The following CSMD1 variants were observed in gnomAD, a reference collection of about 807,000 sequenced individuals.
The protein encoded by CSMD1 is CUB and sushi domain-containing protein 1.
In CSMD1, 213 loss-of-function variants were observed where a neutral mutation model predicts 417.5. The ratio of observed to expected loss-of-function variants is 0.51; its 90% CI spans 0.46 to 0.57. The LOEUF is 0.57. Among genes scored for constraint, CSMD1 ranks in the 20% least tolerant of loss-of-function variants. CSMD1 has a pLI of 0.00. For missense variants in CSMD1, 6,923 were observed against 4,529.7 expected (o/e 1.53, Z -15.17); for synonymous variants, 2,862 against 1,736.8 (o/e 1.65, Z -16.11).
At chr8:3,547,568 G>C (rs942618476) in intron 10 of CSMD1, among the ~76,000 whole-genome samples, 1 of 152,040 alleles carries the variant, frequency 6.6e-6, no homozygotes, top group Admixed American at 6.6e-5. Context: ...TTGAGTTTTA[G>C]GCTTTATTTT....
At chr8:4,113,775 C>T (rs940140420) in intron 3 of CSMD1, among the ~76,000 whole-genome samples, 8 of 152,158 alleles carry the variant, frequency 5.3e-5, no homozygotes, top group East Asian at 1.9e-4. Context: ...AGAAAGTTTT[C>T]AAGTTATCTG....
chr8:3,385,138 A>G (rs893057279), intron 18 of CSMD1, among the ~76,000 whole-genome samples: 71 of 134,416 alleles, frequency 5.3e-4, no homozygotes, highest in African/African-American at 1.9e-3. Flanking sequence ...AATATATAAT[A>G]CATAATATAT....
chr8:3,973,390 T>G (rs1813212853), intron 5 of CSMD1, among the ~76,000 whole-genome samples: 1 of 152,254 alleles, frequency 6.6e-6, no homozygotes, highest in South Asian at 2.1e-4. Context: ...ATTCACCTAC[T>G]GTTGTCACCT....
chr8:4,554,798 T>A (rs1798017240), intron 2 of CSMD1, among the ~76,000 whole-genome samples: 1 of 152,230 alleles, frequency 6.6e-6, no homozygotes, highest in Non-Finnish European at 1.5e-5. Flanking sequence ...GCAGCGTCCG[T>A]CCCTGTTGAG....
intron 3 of CSMD1, among the ~76,000 whole-genome samples, chr8:4,101,141 C>G (rs1801283644): frequency 6.6e-6 from 1 of 152,232 alleles, no homozygotes; most frequent in Non-Finnish European, 1.5e-5. Context: ...CAGCAGGACA[C>G]TTAAGAACCA....
At chr8:4,349,328 A>T (rs762009686) in intron 3 of CSMD1, among the ~76,000 whole-genome samples, 1 of 152,324 alleles carries the variant, frequency 6.6e-6, no homozygotes, top group Non-Finnish European at 1.5e-5. Flanking sequence ...CCTCCACAGA[A>T]TTGAGTATAA....
intron 3 of CSMD1, among the ~76,000 whole-genome samples, chr8:4,264,641 A>G (rs1245857673): frequency 1.3e-5 from 2 of 152,174 alleles, no homozygotes; most frequent in African/African-American, 4.8e-5. Context: ...TGTCCCACCC[A>G]GGTACATGAC....
chr8:3,325,642 G>A (rs1806476944), intron 23 of CSMD1, among the ~76,000 whole-genome samples: 2 of 152,172 alleles, frequency 1.3e-5, no homozygotes, highest in Admixed American at 6.5e-5. Flanking sequence ...TGCTCAGCGT[G>A]GTGAAACCCC....
intron 3 of CSMD1, among the ~76,000 whole-genome samples, chr8:4,319,498 T>C (rs1460782711): frequency 6.6e-6 from 1 of 152,002 alleles, no homozygotes; most frequent in Non-Finnish European, 1.5e-5. Flanking sequence ...AGGGACCAGA[T>C]TTACTCTCAG....
chr8:4,236,973 G>C (rs980336121), intron 3 of CSMD1, among the ~76,000 whole-genome samples: 3 of 152,120 alleles, frequency 2.0e-5, no homozygotes, highest in African/African-American at 7.2e-5. Context: ...TTACACTGAG[G>C]ACCAACTATT....
intron 1 of CSMD1, among the ~76,000 whole-genome samples, chr8:4,680,892 T>G (rs1474502530): frequency 3.4e-4 from 52 of 151,476 alleles, no homozygotes; most frequent in Non-Finnish European, 2.9e-5. Context: ...AAGATAGTTT[T>G]CAATGTGATA....
chr8:3,753,746 G>C (rs544674119), intron 6 of CSMD1, among the ~76,000 whole-genome samples, 184 bp downstream of exon 6: 3 of 152,286 alleles, frequency 2.0e-5, no homozygotes, highest in South Asian at 2.1e-4. Context: ...TACTGTGATA[G>C]TGATATAGCT....
intron 7 of CSMD1, among the ~76,000 whole-genome samples, chr8:3,639,817 A>G (rs565978494): frequency 1.4e-4 from 22 of 152,300 alleles, no homozygotes; most frequent in Non-Finnish European, 2.9e-4. Flanking sequence ...AGGGCAATGG[A>G]CCTAAAGCAA....
At chr8:4,391,492 C>T (rs1304338511) in intron 3 of CSMD1, among the ~76,000 whole-genome samples, 1 of 152,148 alleles carries the variant, frequency 6.6e-6, no homozygotes. Context: ...GACCCACACC[C>T]TCTGCTGTGA....
chr8:4,946,837 C>T (rs185232862), intron 1 of CSMD1, among the ~76,000 whole-genome samples: 1 of 152,130 alleles, frequency 6.6e-6, no homozygotes, highest in African/African-American at 2.4e-5. Flanking sequence ...CCTCCAATTA[C>T]ACATTTATTT....
intron 10 of CSMD1, among the ~76,000 whole-genome samples, chr8:3,524,553 A>G (rs757290176): frequency 6.6e-6 from 1 of 151,224 alleles, no homozygotes; most frequent in Non-Finnish European, 1.5e-5. Context: ...ACACACATGC[A>G]CACACACATG....
At chr8:3,683,572 A>T (rs1452105202) in intron 7 of CSMD1, among the ~76,000 whole-genome samples, 1 of 152,200 alleles carries the variant, frequency 6.6e-6, no homozygotes, top group Non-Finnish European at 1.5e-5. Context: ...AAAATGAAAT[A>T]TGTTTAAAGC....
chr8:4,146,117 G>A lies in CSMD1; in HGVS notation c.416-114018C>T, dbSNP rs757174821. On this transcript the variant is annotated intron_variant, in intron 3 of 69. Coordinates refer to ENST00000635120, the MANE Select transcript of CSMD1 (RefSeq NM_033225.6). The stretch of plus-strand genomic sequence containing the variant: ...CCACACACCAACATAATGGCAGTCG[G>A]TGAGGAATTCAGAGCCTACATATGA... Among the ~76,000 whole-genome samples the A allele has an allele frequency of 2.0e-5, 3 of 150,868 alleles. 1 individual carries two copies. The highest frequency in any genetic ancestry group is 5.0e-5 in the African/African-American group (2 of 40,246).
At chr8:4,991,113 G>C (rs567779638) in intron 1 of CSMD1, among the ~76,000 whole-genome samples, 71 of 152,282 alleles carry the variant, frequency 4.7e-4, no homozygotes, top group African/African-American at 1.7e-3. Context: ...ACATATGCAA[G>C]AAACAACTGA....
Sources: allele counts gnomAD v4.1 joint callset (sites outside exome capture counted in the v4.1 genomes callset), GRCh38; gene constraint gnomAD v4.1.1; transcripts MANE v1.5; gene names NCBI Gene and HGNC (gene_info 2026-07-23, HGNC 2026-07-21).